Variants in TMPRSS11E observed in about 807,000 individuals in gnomAD.
The protein encoded by TMPRSS11E is transmembrane protease serine 11E.
TMPRSS11E carries 38 observed loss-of-function variants against 48.1 expected under a neutral mutation model. The observed-to-expected ratio is 0.79, with a 90% CI of 0.61 to 1.04. The LOEUF (loss-of-function observed/expected upper bound fraction) is 1.04. Ranked by LOEUF, TMPRSS11E falls within the 50% of genes least tolerant of loss-of-function variation. The pLI is 0.00. For synonymous variants in TMPRSS11E, 158 were observed against 171.9 expected (o/e 0.92, Z 0.63); for missense variants, 530 against 510.8 (o/e 1.04, Z -0.36).
intron 1 of TMPRSS11E, among the ~76,000 whole-genome samples, chr4:68,457,611 G>A (rs933406915): frequency 5.3e-5 from 8 of 152,032 alleles, no homozygotes; most frequent in Non-Finnish European, 1.2e-4. Flanking sequence ...TGTTTATTGC[G>A]GCACTGTTCA....
chr4:68,451,381 T>C (rs1156423982), intron 1 of TMPRSS11E, among the ~76,000 whole-genome samples: 1 of 151,892 alleles, frequency 6.6e-6, no homozygotes, highest in Non-Finnish European at 1.5e-5. Flanking sequence ...AAAAATGGGC[T>C]GCAGAAACAC....
At chr4:68,451,701 A>G (rs1388327370) in intron 1 of TMPRSS11E, among the ~76,000 whole-genome samples, 2 of 151,972 alleles carry the variant, frequency 1.3e-5, no homozygotes, top group East Asian at 3.9e-4. Context: ...CTATCTGCCA[A>G]CTACTGTCTT....
chr4:68,460,110 G>C (rs1387495408), intron 1 of TMPRSS11E, among the ~76,000 whole-genome samples: 4 of 152,124 alleles, frequency 2.6e-5, no homozygotes, highest in African/African-American at 9.7e-5. Context: ...AAAATCACAG[G>C]AACAAGGCAG....
At chr4:68,451,191 T>C (rs950216256) in intron 1 of TMPRSS11E, among the ~76,000 whole-genome samples, 1 of 151,898 alleles carries the variant, frequency 6.6e-6, no homozygotes, top group African/African-American at 2.4e-5. Context: ...GTTTTATGGC[T>C]CTATCAGGGT....
At chr4:68,463,406 AT>A (rs1313126206) in intron 2 of TMPRSS11E, among the ~76,000 whole-genome samples, 1 of 151,846 alleles carries the variant, frequency 6.6e-6, no homozygotes, top group Non-Finnish European at 1.5e-5. Flanking sequence ...GGTTCAAGTG[AT>A]TTTTGTGCCT....
At chr4:68,456,251 A>T (rs1728625084) in intron 1 of TMPRSS11E, among the ~76,000 whole-genome samples, 1 of 151,956 alleles carries the variant, frequency 6.6e-6, no homozygotes, top group African/African-American at 2.4e-5. Flanking sequence ...TGGTTGGCTA[A>T]ACAGAAATAG....
At chr4:68,455,262 TA>T (rs1413302217) in intron 1 of TMPRSS11E, among the ~76,000 whole-genome samples, 1 of 151,968 alleles carries the variant, frequency 6.6e-6, no homozygotes, top group Non-Finnish European at 1.5e-5. Context: ...TGCTGAATTT[TA>T]ATTAGGATAT....
In TMPRSS11E at chr4:68,478,945, G is replaced by T. The variant is rs1189714707; in HGVS notation, c.1064G>T (p.Arg355Ile). ...PQAYNDAITP[R>I]MLCAGSLEGK... ...GCTTACAATGACGCCATAACTCCTA[G>T]AATGTTATGTGCTGGCTCCTTAGAA... Residue 355 changes from arginine (R) to isoleucine (I), a missense_variant, in exon 9 of 10, where the codon AGA becomes ATA. Physicochemically the swap from Arg to Ile is moderately conservative, Grantham distance 97. Coordinates refer to ENST00000305363, the MANE Select transcript of TMPRSS11E (RefSeq NM_014058.4). The T allele has an allele frequency of 6.2e-7, 1 of 1,614,034 alleles. No individual in the cohort carries two copies. The highest frequency in any genetic ancestry group is 1.1e-5 in the South Asian group (1 of 91,082).
chr4:68,472,460 A>G, intron 5 of TMPRSS11E, among the ~76,000 whole-genome samples: 1 of 151,980 alleles, frequency 6.6e-6, no homozygotes, highest in East Asian at 1.9e-4. Flanking sequence ...TTTTTGTAGT[A>G]AGGCTCTGGA....
Position 68,455,325 on chromosome 4 carries a change from A to G in TMPRSS11E, c.12-6496A>G, listed in dbSNP as rs549641645. ...GGAACATTAGCTTGGATGAAAATTG[A>G]AGACCATTTAGATCAATTTAAATTT... On this transcript the variant is annotated intron_variant, in intron 1 of 9. Transcript: ENST00000305363. Among the ~76,000 whole-genome samples the G allele has an allele frequency of 2.6e-5, 4 of 152,092 alleles. No individual in the cohort carries two copies. In the East Asian group the frequency reaches 5.8e-4, roughly 22 times the overall value.
At chr4:68,448,542 A>C (rs995561925) in intron 1 of TMPRSS11E, among the ~76,000 whole-genome samples, 1 of 151,972 alleles carries the variant, frequency 6.6e-6, no homozygotes, top group African/African-American at 2.4e-5. Flanking sequence ...GAAAGCTTCC[A>C]ATAAACTTAA....
At chr4:68,491,495 G>A (rs1385989892) in intron 9 of TMPRSS11E, among the ~76,000 whole-genome samples, 1 of 152,028 alleles carries the variant, frequency 6.6e-6, no homozygotes, top group Non-Finnish European at 1.5e-5. Flanking sequence ...AAGTAAGTCT[G>A]TCCCATATTG....
rs1729326986 is a variant in TMPRSS11E, at chr4:68,479,007, C to T, written c.1110+16C>T. ...TGCATGCCAGGTAAACAGTTTTGCCCATTAGTAGGTTGTGTAATTTTTTGT... is the reference window on the plus strand; with the variant it reads ...TGCATGCCAGGTAAACAGTTTTGCCTATTAGTAGGTTGTGTAATTTTTTGT... On this transcript the variant is annotated intron_variant, in intron 9 of 9. Coordinates refer to ENST00000305363, the MANE Select transcript of TMPRSS11E (RefSeq NM_014058.4). 7 of 1,609,402 alleles carry T rather than the reference C, an allele frequency of 4.3e-6. No individual in the cohort carries two copies. Among genetic ancestry groups the T allele is most frequent in the Non-Finnish European group, 5.1e-6 (6 of 1,178,840 alleles).
chr4:68,482,023 C>T (rs558397211), intron 9 of TMPRSS11E, among the ~76,000 whole-genome samples: 1 of 152,252 alleles, frequency 6.6e-6, no homozygotes, highest in South Asian at 2.1e-4. Flanking sequence ...GTTTAATTGG[C>T]TTATGATTCT....
At chr4:68,477,946 A>G (rs938733595) in intron 8 of TMPRSS11E, among the ~76,000 whole-genome samples, 1 of 152,100 alleles carries the variant, frequency 6.6e-6, no homozygotes, top group Non-Finnish European at 1.5e-5. Flanking sequence ...AATATACCCA[A>G]TTCTGAAGAT....
At chr4:68,474,622 G>T in intron 5 of TMPRSS11E, 101 bp from the exon 6 acceptor site, 1 of 1,083,370 alleles carries the variant, frequency 9.2e-7, no homozygotes, top group Non-Finnish European at 1.4e-6. Context: ...TAGAGATACT[G>T]TTTTATAATA....
In TMPRSS11E at chr4:68,497,070, G is replaced by A. The variant is rs528565054; in HGVS notation, c.*266G>A. 6.7e-6 allele frequency: 2 copies of A among 300,284 alleles called. No individual in the cohort carries two copies. Among genetic ancestry groups the A allele is most frequent in the African/African-American group, 4.3e-5 (2 of 46,106 alleles). The allele number at this position is 300,284 out of a possible 1,614,324, so 18.6% of individuals were successfully genotyped here. ...ATAGATAATACAATATTACATTACA[G>A]CCTGTATTCATTTGTTCTCTAGAAG... On this transcript the variant is annotated 3_prime_UTR_variant, in exon 10 of 10. Coordinates refer to ENST00000305363, the MANE Select transcript of TMPRSS11E (RefSeq NM_014058.4).
chr4:68,474,791 T>G (rs1025423927), intron 6 of TMPRSS11E, 30 bp downstream of exon 6: 2 of 1,571,004 alleles, frequency 1.3e-6, no homozygotes, highest in Non-Finnish European at 1.7e-6. Context: ...TAAAATAGCA[T>G]TACCTGAAGG....
At chr4:68,472,646 A>T (rs939039541) in intron 5 of TMPRSS11E, among the ~76,000 whole-genome samples, 8 of 152,044 alleles carry the variant, frequency 5.3e-5, no homozygotes, top group Non-Finnish European at 1.0e-4. Flanking sequence ...TATCTGATAG[A>T]TCTAAGTAGA....
Sources: allele counts gnomAD v4.1 joint callset (sites outside exome capture counted in the v4.1 genomes callset), GRCh38; gene constraint gnomAD v4.1.1; transcripts MANE v1.5; gene names NCBI Gene and HGNC (gene_info 2026-07-23, HGNC 2026-07-21).